Variants in DRD2 observed in about 807,000 individuals in gnomAD.
The protein encoded by DRD2 is dopamine receptor D2.
Under a neutral mutation model 38.0 loss-of-function variants are expected in DRD2, and 8 were observed. That is an observed-to-expected ratio of 0.21 (90% CI 0.12 to 0.38). The LOEUF (loss-of-function observed/expected upper bound fraction) is 0.38. Among genes scored for constraint, DRD2 ranks in the 10% least tolerant of loss-of-function variants. The pLI is 1.00. For missense variants in DRD2, 403 were observed against 607.7 expected (o/e 0.66, Z 3.54); for synonymous variants, 230 against 238.6 (o/e 0.96, Z 0.33).
intron 1 of DRD2, among the ~76,000 whole-genome samples, chr11:113,431,114 A>T (rs1238654310): frequency 1.3e-5 from 2 of 152,094 alleles, no homozygotes; most frequent in African/African-American, 4.8e-5. Flanking sequence ...AGCTTACAAA[A>T]CTCCAAATCA....
At chr11:113,411,020 G>T (rs1198026564) in intron 7 of DRD2, 100 bp from the exon 8 acceptor site, 2 of 1,319,770 alleles carry the variant, frequency 1.5e-6, no homozygotes, top group Non-Finnish European at 2.1e-6. Flanking sequence ...CAAGACGGTG[G>T]GCTGTAGCCA....
At chr11:113,447,163 C>T (rs1490648561) in intron 1 of DRD2, among the ~76,000 whole-genome samples, 1 of 152,164 alleles carries the variant, frequency 6.6e-6, no homozygotes, top group Non-Finnish European at 1.5e-5. Context: ...GCCCCACCCT[C>T]CCCGGGGCCT....
intron 1 of DRD2, among the ~76,000 whole-genome samples, chr11:113,453,090 C>T (rs185886828): frequency 1.2e-4 from 18 of 152,260 alleles, no homozygotes; most frequent in Admixed American, 1.2e-3. Context: ...GTTACTTAAT[C>T]TCCATCTCCC....
Position 113,440,415 on chromosome 11 carries a change from C to T in DRD2, c.-31-15733G>A, listed in dbSNP as rs566995051. Among the ~76,000 whole-genome samples the T allele has an allele frequency of 9.8e-5, 15 of 152,318 alleles. No homozygotes were observed. The South Asian group carries it at 1.2e-3, about 13-fold the overall frequency. ...CAGGGAGAAGCTCAGGGCCATGGGG[C>T]CTGTTAGGTTTCTCTGCGAAATGCT... On this transcript the variant is annotated intron_variant, in intron 1 of 7. Transcript: ENST00000362072.
At chr11:113,416,720 G>C in intron 4 of DRD2, 143 bp downstream of exon 4, 6 of 1,249,010 alleles carry the variant, frequency 4.8e-6, no homozygotes, top group Non-Finnish European at 6.8e-6. Context: ...AGGACACGTA[G>C]CCTGGACTCA....
At chr11:113,456,571 T>TA (rs1951270114) in intron 1 of DRD2, among the ~76,000 whole-genome samples, 4 of 152,140 alleles carry the variant, frequency 2.6e-5, no homozygotes, top group Admixed American at 2.6e-4. Context: ...ACAATTTTTT[T>TA]TAAAAAAAGA....
chr11:113,435,328 TG>T (rs1294878771), intron 1 of DRD2, among the ~76,000 whole-genome samples: 2 of 12,158 alleles, frequency 1.6e-4, no homozygotes, highest in Non-Finnish European at 3.0e-4. Context: ...AGTGACTCAG[TG>T]TGGGGGGGGG....
At chr11:113,411,920 C>G (rs548016519) in intron 7 of DRD2, 10 of 153,474 alleles carry the variant, frequency 6.5e-5, no homozygotes, top group African/African-American at 2.4e-4. Context: ...TTGACCTTTA[C>G]TATGTGGTTT....
intron 1 of DRD2, among the ~76,000 whole-genome samples, chr11:113,468,606 G>A (rs1478176875): frequency 6.6e-6 from 1 of 152,152 alleles, no homozygotes; most frequent in Non-Finnish European, 1.5e-5. Flanking sequence ...GGAGTGCAGT[G>A]GCACGATACT....
intron 1 of DRD2, among the ~76,000 whole-genome samples, chr11:113,451,584 G>A (rs985395095): frequency 7.2e-5 from 11 of 152,128 alleles, no homozygotes; most frequent in South Asian, 6.2e-4. Flanking sequence ...CTCTGCTTCC[G>A]GGTTCAAGTG....
At chr11:113,418,265 G>T in intron 2 of DRD2, 129 bp from the exon 3 acceptor site, 2 of 762,182 alleles carry the variant, frequency 2.6e-6, no homozygotes, top group Non-Finnish European at 4.6e-6. Context: ...TGGGCATCCA[G>T]CTGGGGTGTG....
In DRD2 at chr11:113,454,768, A is replaced by G. The variant is rs372828211; in HGVS notation, c.-32+20308T>C. ...TGGTATCCACATACAATGGGATATTATTCAGCCTTAAGAGAAGGAAATCCT... is the reference window on the plus strand; with the variant it reads ...TGGTATCCACATACAATGGGATATTGTTCAGCCTTAAGAGAAGGAAATCCT... On this transcript the variant is annotated intron_variant, in intron 1 of 7. Transcript: ENST00000362072. Among the ~76,000 whole-genome samples, 25 of 152,350 alleles carry G rather than the reference A, an allele frequency of 1.6e-4. No individual in the cohort carries two copies. In the South Asian group the frequency reaches 5.2e-3, roughly 32 times the overall value.
chr11:113,438,245 T>C (rs1391619711), intron 1 of DRD2, among the ~76,000 whole-genome samples: 1 of 152,126 alleles, frequency 6.6e-6, no homozygotes, highest in Admixed American at 6.5e-5. Flanking sequence ...CCAGTCCCAC[T>C]TGGTAGCAGT....
At chr11:113,429,115 T>C (rs1565666299) in intron 1 of DRD2, among the ~76,000 whole-genome samples, 1 of 152,248 alleles carries the variant, frequency 6.6e-6, no homozygotes, top group Non-Finnish European at 1.5e-5. Flanking sequence ...TCGTTGCTTT[T>C]TGTTGCTAAT....
rs747562843 is a variant in DRD2 at position 113,415,405 on chromosome 11, G to C, written c.723+16C>G. 8.1e-6 allele frequency: 13 copies of C among 1,605,320 alleles called. No homozygotes were observed. In the Admixed American group the frequency reaches 2.2e-4, roughly 27 times the overall value. On this transcript the variant is annotated intron_variant, in intron 5 of 7. Coordinates refer to ENST00000362072, the MANE Select transcript of DRD2 (RefSeq NM_000795.4). Reference sequence around the variant, plus strand: ...AGGTGGGGACCCTTGGAGTTGGTTGGGGGGTGTCTTGAGACCTTTAGTGGA... The same window carrying C: ...AGGTGGGGACCCTTGGAGTTGGTTGCGGGGTGTCTTGAGACCTTTAGTGGA...
rs1475424051 is a variant in DRD2 at position 113,428,509 on chromosome 11, G to A, written c.-31-3827C>T. ...GATGAGGGCTGTGGTCCTGCAGGGGGATCTGGGTGGCACTCCACCGTGTCC... is the reference window on the plus strand; with the variant it reads ...GATGAGGGCTGTGGTCCTGCAGGGGAATCTGGGTGGCACTCCACCGTGTCC... On this transcript the variant is annotated intron_variant, in intron 1 of 7. Coordinates refer to ENST00000362072, the MANE Select transcript of DRD2 (RefSeq NM_000795.4). Among the ~76,000 whole-genome samples the A allele has an allele frequency of 3.3e-5, 5 of 152,234 alleles. No individual in the cohort carries two copies. In the East Asian group the frequency reaches 7.7e-4, roughly 23 times the overall value.
At chr11:113,440,839 A>G (rs554054206) in intron 1 of DRD2, among the ~76,000 whole-genome samples, 2 of 152,336 alleles carry the variant, frequency 1.3e-5, no homozygotes, top group South Asian at 4.1e-4. Context: ...TCAGAGGCAG[A>G]ATATAAACAC....
chr11:113,410,726 G>T lies in DRD2; in HGVS notation c.*1C>A, dbSNP rs1950760994. On this transcript the variant is annotated 3_prime_UTR_variant, in exon 8 of 8. Transcript: ENST00000362072. ...GGCTGCTGTGCGGGCAGGCAGCAGA[G>T]TCAGCAGTGGAGGATCTTCAGGAAG... 2 of 1,614,236 alleles carry T rather than the reference G, an allele frequency of 1.2e-6. No homozygotes were observed. Among genetic ancestry groups the T allele is most frequent in the East Asian group, 4.5e-5 (2 of 44,886 alleles).
Position 113,412,126 on chromosome 11 carries a change from T to C in DRD2, c.1138+430A>G, listed in dbSNP as rs911169423. The C allele has an allele frequency of 4.3e-4, 100 of 233,576 alleles. 1 individual carries two copies. Among genetic ancestry groups the C allele is most frequent in the Middle Eastern group, 1.6e-3 (1 of 616 alleles). 14.5% of individuals were successfully genotyped at this position (233,576 alleles called of 1,614,324 possible). On this transcript the variant is annotated intron_variant, in intron 7 of 7. Transcript: ENST00000362072. ...AAACCATAATAGTGACACTTACATA[T>C]GGATAGTGCTTTGTAGTTTAGAAAA...
Sources: allele counts gnomAD v4.1 joint callset (sites outside exome capture counted in the v4.1 genomes callset), GRCh38; gene constraint gnomAD v4.1.1; transcripts MANE v1.5; gene names NCBI Gene and HGNC (gene_info 2026-07-23, HGNC 2026-07-21).